Variants in IL22RA1 observed in about 807,000 individuals in gnomAD.
IL22RA1 encodes the protein interleukin 22 receptor subunit alpha 1, also known as interleukin-22 receptor subunit alpha-1.
Under a neutral mutation model 32.8 loss-of-function variants are expected in IL22RA1, and 25 were observed. That is an observed-to-expected ratio of 0.76 (90% CI 0.55 to 1.06). The LOEUF is 1.06. IL22RA1 is among the 50% of genes least tolerant of loss of function. IL22RA1 has a pLI of 0.00. For missense variants in IL22RA1, 709 were observed against 727.4 expected, an observed-to-expected ratio of 0.97 and a Z score of 0.29; for synonymous variants, 305 against 305.0, an observed-to-expected ratio of 1.00 and a Z score of 0.00.
intron 3 of IL22RA1, 21 bp downstream of exon 3, chr1:24,137,110 C>T (rs760844229): frequency 6.3e-7 from 1 of 1,598,200 alleles, no homozygotes; most frequent in South Asian, 1.1e-5. Flanking sequence ...TCCCCTGAAA[C>T]CCACAGGGGC....
intron 4 of IL22RA1, among the ~76,000 whole-genome samples, chr1:24,132,695 T>C (rs1644214555): frequency 6.6e-6 from 1 of 151,978 alleles, no homozygotes; most frequent in Middle Eastern, 3.4e-3. Context: ...GGCAGTTCTG[T>C]GCTTTTCAAA....
chr1:24,140,480 GGGA>G (rs529107530), intron 1 of IL22RA1, among the ~76,000 whole-genome samples: 41 of 152,290 alleles, frequency 2.7e-4, no homozygotes, highest in African/African-American at 9.6e-4. Context: ...GATGAATTTA[GGGA>G]GGAGGAGAAG....
intron 5 of IL22RA1, among the ~76,000 whole-genome samples, chr1:24,125,899 G>A (rs1176017875): frequency 6.6e-6 from 1 of 152,216 alleles, no homozygotes; most frequent in Non-Finnish European, 1.5e-5. Flanking sequence ...AGGATAAGGT[G>A]CCTTCTATAT....
intron 5 of IL22RA1, among the ~76,000 whole-genome samples, chr1:24,123,703 T>A (rs990264942): frequency 6.6e-6 from 1 of 152,262 alleles, no homozygotes; most frequent in African/African-American, 2.4e-5. Flanking sequence ...TGCCATATTT[T>A]AATTCAGAGT....
In IL22RA1 at chr1:24,121,564, G is replaced by A. The variant is rs151086369; in HGVS notation, c.966C>T (p.Ser322=). 2.3e-5 allele frequency: 37 copies of A among 1,608,716 alleles called. No homozygotes were observed. The East Asian group carries it at 2.7e-4, about 12-fold the overall frequency. Residue 322 remains serine (S), a synonymous_variant, in exon 7 of 7, where the codon TCC becomes TCT. Transcript: ENST00000270800. ...CTGGCTGCCCTAAGTAGGTGATCTC[G>A]GACAGGCTATGCCGCTGTGGAGCTC... ...PAGAPQRHSL[S]EITYLGQPDI...
rs773319513 is a variant in IL22RA1 at position 24,121,695 on chromosome 1, G to A, written c.835C>T (p.Gln279Ter). 1 of 1,576,484 alleles carries A rather than the reference G, an allele frequency of 6.3e-7. No homozygotes were observed. Among genetic ancestry groups the A allele is most frequent in the Non-Finnish European group, 8.6e-7 (1 of 1,158,488 alleles). Residue 279 changes from glutamine (Q) to a stop codon, truncating the protein, a stop_gained, in exon 7 of 7, where the codon CAG (glutamine) becomes TAG (stop). Coordinates refer to ENST00000270800, the MANE Select transcript of IL22RA1 (RefSeq NM_021258.4). LOFTEE classifies it low-confidence loss of function (END_TRUNC). ...VLTFQPLRFI[Q>*]EHVLIPVFDL... ...AAGACAGGGATCAGGACGTGCTCCT[G>A]GATGAAGCGCAGCGGCTGGAAAGTC... is the stretch of plus-strand genomic sequence containing the variant.
chr1:24,125,949 A>C (rs1644158336), intron 5 of IL22RA1, among the ~76,000 whole-genome samples: 1 of 152,214 alleles, frequency 6.6e-6, no homozygotes, highest in South Asian at 2.1e-4. Context: ...GATTTATATA[A>C]AAGCTATAGT....
At chr1:24,138,460 G>A in intron 2 of IL22RA1, 122 bp downstream of exon 2, 2 of 1,006,226 alleles carry the variant, frequency 2.0e-6, no homozygotes, top group Non-Finnish European at 3.0e-6. Flanking sequence ...GCTTTATCTG[G>A]GAGGGGCTAT....
intron 1 of IL22RA1, among the ~76,000 whole-genome samples, chr1:24,142,230 G>T (rs1342889393): frequency 6.6e-6 from 1 of 152,230 alleles, no homozygotes; most frequent in Non-Finnish European, 1.5e-5. Context: ...GGGAAGCTCT[G>T]CCTTTTCGTG....
intron 5 of IL22RA1, among the ~76,000 whole-genome samples, chr1:24,126,862 T>G (rs1262087490): frequency 6.6e-6 from 1 of 152,098 alleles, no homozygotes; most frequent in Non-Finnish European, 1.5e-5. Flanking sequence ...ACCATCTCAC[T>G]GAGCAGATGA....
chr1:24,134,217 G>A lies in IL22RA1; in HGVS notation c.525C>T (p.Tyr175=). ...GGGTGCAACATACACTCACCATTTG[G>A]TAGGTGCGGTTGACCTGGAGCTCTA... ...YHLELQVNRT[Y]QMHLGGKQRE... Residue 175 remains tyrosine, a synonymous_variant, in exon 4 of 7, where the codon TAC becomes TAT. Coordinates refer to ENST00000270800, the MANE Select transcript of IL22RA1 (RefSeq NM_021258.4). The A allele has an allele frequency of 6.2e-7, 1 of 1,610,410 alleles. No individual in the cohort carries two copies. The highest frequency in any genetic ancestry group is 8.5e-7 in the Non-Finnish European group (1 of 1,178,266).
Position 24,143,128 on chromosome 1 carries a change from C to G in IL22RA1, c.-46G>C, listed in dbSNP as rs747434343. ...CCCTTGGCCTCTACTCTGCCGTGCA[C>G]AGAGAGAGGGCTGGGAGTCTTGGCG... is the stretch of plus-strand genomic sequence containing the variant. On this transcript the variant is annotated 5_prime_UTR_variant, in exon 1 of 7. Transcript: ENST00000270800. 5.7e-6 allele frequency: 9 copies of G among 1,581,166 alleles called. No individual in the cohort carries two copies. Among genetic ancestry groups the G allele is most frequent in the South Asian group, 3.4e-5 (3 of 88,006 alleles).
chr1:24,138,991 C>G (rs1380847395), intron 1 of IL22RA1, among the ~76,000 whole-genome samples: 1 of 152,240 alleles, frequency 6.6e-6, no homozygotes, highest in Non-Finnish European at 1.5e-5. Flanking sequence ...ATGTCACCAC[C>G]TTACAGTGTT....
intron 5 of IL22RA1, among the ~76,000 whole-genome samples, chr1:24,126,764 C>T (rs894741333): frequency 6.6e-6 from 1 of 152,156 alleles, no homozygotes; most frequent in Non-Finnish European, 1.5e-5. Flanking sequence ...AGCAATACAA[C>T]GTTTCCCTCC....
intron 5 of IL22RA1, among the ~76,000 whole-genome samples, chr1:24,125,686 C>T (rs1469577682): frequency 6.6e-6 from 1 of 152,156 alleles, no homozygotes; most frequent in South Asian, 2.1e-4. Context: ...AGGGAAGTTG[C>T]TTAACCTCTC....
intron 5 of IL22RA1, among the ~76,000 whole-genome samples, chr1:24,124,616 T>C (rs1644148678): frequency 6.6e-6 from 1 of 152,080 alleles, no homozygotes; most frequent in Non-Finnish European, 1.5e-5. Context: ...CTCCCTCTCT[T>C]CCTGGCCCCT....
chr1:24,124,196 C>T (rs914375844), intron 5 of IL22RA1, among the ~76,000 whole-genome samples: 1 of 152,114 alleles, frequency 6.6e-6, no homozygotes, highest in Non-Finnish European at 1.5e-5. Flanking sequence ...CCCCTTTTGC[C>T]TGAGTCTAAG....
chr1:24,132,167 G>A (rs1246598757), intron 4 of IL22RA1, among the ~76,000 whole-genome samples: 9 of 152,048 alleles, frequency 5.9e-5, no homozygotes, highest in East Asian at 3.9e-4. Flanking sequence ...CAAGCTTTGC[G>A]TTGGGGAAGA....
chr1:24,123,791 A>G (rs1644143257), intron 5 of IL22RA1, among the ~76,000 whole-genome samples: 1 of 151,712 alleles, frequency 6.6e-6, no homozygotes, highest in Admixed American at 6.6e-5. Flanking sequence ...CCCCCAGCCC[A>G]GCCCAGCCCA....
Sources: allele counts gnomAD v4.1 joint callset (sites outside exome capture counted in the v4.1 genomes callset), GRCh38; gene constraint gnomAD v4.1.1; transcripts MANE v1.5; gene names NCBI Gene and HGNC (gene_info 2026-07-23, HGNC 2026-07-21).